GADL1: variants seen among roughly 807,000 people sequenced by gnomAD.
GADL1 encodes GAD like acidic amino acid decarboxylase 1.
In GADL1, 71 loss-of-function variants were observed where a neutral mutation model predicts 69.5. That is an observed-to-expected ratio of 1.02 (90% CI 0.84 to 1.25). The LOEUF (loss-of-function observed/expected upper bound fraction) is 1.25. Among genes scored for constraint, GADL1 ranks in the 50% most tolerant of loss-of-function variants. The pLI, the probability that GADL1 is intolerant of heterozygous loss-of-function variation, is 0.00. For synonymous variants in GADL1, 254 were observed against 214.4 expected (o/e 1.18, Z -1.62); for missense variants, 737 against 631.8 (o/e 1.17, Z -1.79).
At chr3:30,834,528 T>C (rs1463893222) in intron 9 of GADL1, among the ~76,000 whole-genome samples, 1 of 152,088 alleles carries the variant, frequency 6.6e-6, no homozygotes, top group East Asian at 1.9e-4. Context: ...AATTGGTATA[T>C]TAACCAACTG....
At chr3:30,811,477 A>G (rs993531122) in intron 11 of GADL1, among the ~76,000 whole-genome samples, 2 of 152,126 alleles carry the variant, frequency 1.3e-5, no homozygotes, top group Admixed American at 1.3e-4. Context: ...GATTTTCCCT[A>G]GGCAACAATC....
At chr3:30,878,352 C>T (rs559275811) in intron 1 of GADL1, among the ~76,000 whole-genome samples, 8 of 151,864 alleles carry the variant, frequency 5.3e-5, no homozygotes, top group African/African-American at 1.9e-4. Flanking sequence ...TCGTCCAGGA[C>T]CTTCATGGAA....
intron 12 of GADL1, among the ~76,000 whole-genome samples, chr3:30,792,455 C>T (rs1456475123): frequency 6.6e-6 from 1 of 152,018 alleles, no homozygotes; most frequent in Non-Finnish European, 1.5e-5. Context: ...CATCCGTGGT[C>T]CCAGCTACTC....
At chr3:30,772,602 T>TGC (rs1696441346) in intron 14 of GADL1, among the ~76,000 whole-genome samples, 1 of 152,094 alleles carries the variant, frequency 6.6e-6, no homozygotes, top group South Asian at 2.1e-4. Context: ...TAGGGCTGGG[T>TGC]GCGGTGGCTC....
At chr3:30,825,614 G>C (rs1697667935) in intron 11 of GADL1, among the ~76,000 whole-genome samples, 1 of 151,712 alleles carries the variant, frequency 6.6e-6, no homozygotes, top group South Asian at 2.1e-4. Context: ...AACTCAAAAG[G>C]GCCTCAACTA....
chr3:30,745,580 A>T (rs1486004536), intron 14 of GADL1, among the ~76,000 whole-genome samples: 1 of 152,202 alleles, frequency 6.6e-6, no homozygotes, highest in African/African-American at 2.4e-5. Flanking sequence ...CATTAAACTC[A>T]GATTGAGACA....
At chr3:30,811,364 C>T (rs1052879393) in intron 11 of GADL1, among the ~76,000 whole-genome samples, 17 of 152,296 alleles carry the variant, frequency 1.1e-4, no homozygotes, top group African/African-American at 3.1e-4. Context: ...AGTTAAGAAA[C>T]ATTTGATAGT....
chr3:30,734,815 G>T (rs1695516929), intron 14 of GADL1, among the ~76,000 whole-genome samples: 1 of 152,170 alleles, frequency 6.6e-6, no homozygotes, highest in Admixed American at 6.5e-5. Context: ...GCTTGCTTTT[G>T]TCCATAGCCA....
rs1375827421 is a variant in GADL1 at position 30,850,040 on chromosome 3, C to T, written c.607G>A (p.Gly203Arg). The T allele has an allele frequency of 1.2e-6, 2 of 1,611,656 alleles. No homozygotes were observed. Among genetic ancestry groups the T allele is most frequent in the South Asian group, 2.2e-5 (2 of 91,016 alleles). ...YKYCPDIKEKGLSGSPRLILF... is the reference protein window; with the variant it reads ...YKYCPDIKEKRLSGSPRLILF... ...ATTAATCTTGGCGAACCAGACAGCCCCTTTTCCTTAATATCAGGACAATAT... is the reference window on the plus strand; with the variant it reads ...ATTAATCTTGGCGAACCAGACAGCCTCTTTTCCTTAATATCAGGACAATAT... The change falls in exon 6 of 15, where the codon GGG (glycine) becomes AGG (arginine). Residue 203 changes from glycine (G) to arginine (R), a missense_variant. Gly to Arg is a moderately radical substitution (Grantham distance 125). Coordinates refer to ENST00000282538, the MANE Select transcript of GADL1 (RefSeq NM_207359.3).
At chr3:30,797,714 G>T (rs1697072981) in intron 12 of GADL1, 1 of 150,974 alleles carries the variant, frequency 6.6e-6, no homozygotes, top group Non-Finnish European at 1.5e-5. Context: ...TAGGGACTGT[G>T]TTTTTCCAGA....
intron 13 of GADL1, among the ~76,000 whole-genome samples, chr3:30,780,410 G>T (rs9968222): frequency 0.2 from 31,049 of 152,052 alleles, 7,152 homozygotes; most frequent in African/African-American, 0.55. Context: ...CTATCTCAGT[G>T]CCAGGTGTGG....
chr3:30,857,919 T>C (rs1698255250), intron 2 of GADL1, among the ~76,000 whole-genome samples: 1 of 151,928 alleles, frequency 6.6e-6, no homozygotes, highest in South Asian at 2.1e-4. Flanking sequence ...GCCTAGAATG[T>C]TTTTCAAAAT....
chr3:30,790,941 A>G (rs1177525995), intron 12 of GADL1, among the ~76,000 whole-genome samples: 1 of 152,186 alleles, frequency 6.6e-6, no homozygotes. Flanking sequence ...ATGATAAATT[A>G]GTAAAAGATA....
intron 2 of GADL1, among the ~76,000 whole-genome samples, chr3:30,857,754 A>G (rs1389640194): frequency 2.0e-5 from 3 of 151,942 alleles, no homozygotes; most frequent in Non-Finnish European, 4.4e-5. Context: ...ATGATCCTTT[A>G]CGATCTGCTT....
At chr3:30,867,968 T>C (rs1308740112) in intron 1 of GADL1, among the ~76,000 whole-genome samples, 1 of 152,036 alleles carries the variant, frequency 6.6e-6, no homozygotes, top group Non-Finnish European at 1.5e-5. Flanking sequence ...AAGACCTGCC[T>C]TCTCTTTGAA....
At chr3:30,849,714 C>A (rs1366905855) in intron 6 of GADL1, among the ~76,000 whole-genome samples, 10 of 151,788 alleles carry the variant, frequency 6.6e-5, no homozygotes, top group African/African-American at 1.5e-4. Flanking sequence ...ATAAGACATT[C>A]AAAAAAAGAG....
chr3:30,805,816 G>GT (rs1191875731), intron 11 of GADL1, among the ~76,000 whole-genome samples: 1 of 149,336 alleles, frequency 6.7e-6, no homozygotes, highest in Non-Finnish European at 1.5e-5. Flanking sequence ...GGGGTGTGGT[G>GT]TGGGGGAGAT....
At chr3:30,846,291 C>A (rs1698054715) in intron 6 of GADL1, among the ~76,000 whole-genome samples, 1 of 152,162 alleles carries the variant, frequency 6.6e-6, no homozygotes, top group Non-Finnish European at 1.5e-5. Context: ...GACTCAACCT[C>A]CCCACAGGTT....
At chr3:30,736,409 C>T (rs977019399) in intron 14 of GADL1, among the ~76,000 whole-genome samples, 1 of 151,980 alleles carries the variant, frequency 6.6e-6, no homozygotes, top group Non-Finnish European at 1.5e-5. Context: ...CTTATGTGGA[C>T]TAAATGAAAT....
Sources: allele counts gnomAD v4.1 joint callset (sites outside exome capture counted in the v4.1 genomes callset), GRCh38; gene constraint gnomAD v4.1.1; transcripts MANE v1.5; gene names NCBI Gene and HGNC (gene_info 2026-07-23, HGNC 2026-07-21).